The following TDRP variants were observed in gnomAD, a reference collection of about 807,000 sequenced individuals.
The protein encoded by TDRP is testis development-related protein.
A neutral mutation model predicts 10.5 loss-of-function variants in TDRP; 12 were observed. The ratio of observed to expected loss-of-function variants is 1.15; its 90% confidence interval spans 0.73 to 1.86. The LOEUF (loss-of-function observed/expected upper bound fraction) is 1.86, where lower values mean the gene tolerates loss of function less well. Among genes scored for constraint, TDRP ranks in the 40% most tolerant of loss-of-function variants. The pLI is 0.00. For missense variants in TDRP, 353 were observed against 229.2 expected (o/e 1.54, Z -3.49); for synonymous variants, 139 against 95.4 (o/e 1.46, Z -2.67).
At chr8:531,496 G>A (rs1003740312) in intron 1 of TDRP, among the ~76,000 whole-genome samples, 5 of 152,162 alleles carry the variant, frequency 3.3e-5, no homozygotes, top group African/African-American at 1.2e-4. Context: ...ATGTCAGAAG[G>A]AAACTGAATT....
intron 1 of TDRP, among the ~76,000 whole-genome samples, chr8:534,352 G>A (rs1802289523): frequency 1.3e-5 from 2 of 152,206 alleles, no homozygotes; most frequent in African/African-American, 4.8e-5. Flanking sequence ...GTTCCCGCGA[G>A]CCTCTGAATA....
chr8:507,105 G>A (rs1047926530), intron 1 of TDRP, among the ~76,000 whole-genome samples: 5 of 152,140 alleles, frequency 3.3e-5, no homozygotes, highest in African/African-American at 9.7e-5. Context: ...GCAGCAGGAG[G>A]GAGTATGAGC....
At position 494,532 on chromosome 8, in the gene TDRP, C is replaced by G; in HGVS notation, c.174G>C (p.Gln58His). 6.2e-7 allele frequency: 1 copy of G among 1,613,890 alleles called. No individual in the cohort carries two copies. Among genetic ancestry groups the G allele is most frequent in the Non-Finnish European group, 8.5e-7 (1 of 1,179,848 alleles). Residue 58 changes from glutamine to histidine, a missense_variant, in exon 2 of 3, where the codon CAG becomes CAC. Coordinates refer to ENST00000324079, the MANE Select transcript of TDRP (RefSeq NM_001384899.1). ...GAGATTTACATCTTTCCAGGAGATG[C>G]TGCTCATCATCTTTGTTAAACAGTG... ...VTSLFNKDDEQHLLERCKSPK... is the reference protein window; with the variant it reads ...VTSLFNKDDEHHLLERCKSPK...
intron 1 of TDRP, among the ~76,000 whole-genome samples, chr8:526,290 G>A (rs1183144461): frequency 1.3e-5 from 2 of 152,138 alleles, no homozygotes; most frequent in Admixed American, 6.5e-5. Flanking sequence ...GAGCCACCAT[G>A]CCCAGACTCT....
At chr8:513,928 T>C (rs1801684615) in intron 1 of TDRP, among the ~76,000 whole-genome samples, 3 of 152,208 alleles carry the variant, frequency 2.0e-5, no homozygotes, top group Admixed American at 1.3e-4. Context: ...TACTTAGGAA[T>C]ATGCTTAAAA....
In TDRP at chr8:514,723, C is replaced by T. The variant is rs7016493; in HGVS notation, c.109-20126G>A. On this transcript the variant is annotated intron_variant, in intron 1 of 2. Coordinates refer to ENST00000324079, the MANE Select transcript of TDRP (RefSeq NM_001384899.1). ...GTGGGGATGCAGCCTTTCCCTGGGA[C>T]ACTGGGAAATGTCTATTTTTGCATT... 3.3e-5 allele frequency among the ~76,000 whole-genome samples: 5 copies of T among 151,976 alleles called. 1 individual carries two copies. The highest frequency in any genetic ancestry group is 5.9e-5 in the Non-Finnish European group (4 of 68,022).
intron 1 of TDRP, among the ~76,000 whole-genome samples, chr8:513,402 T>G (rs925394142): frequency 6.6e-6 from 1 of 152,088 alleles, no homozygotes; most frequent in African/African-American, 2.4e-5. Context: ...ATAAAAAAAA[T>G]TATATAAGCA....
chr8:524,617 A>G (rs1801988886), intron 1 of TDRP, among the ~76,000 whole-genome samples: 2 of 152,220 alleles, frequency 1.3e-5, no homozygotes, highest in South Asian at 4.1e-4. Context: ...AGCTTTTAAA[A>G]CATCAAGCAG....
chr8:513,246 C>CA (rs1468133826), intron 1 of TDRP, among the ~76,000 whole-genome samples: 2 of 151,410 alleles, frequency 1.3e-5, no homozygotes, highest in African/African-American at 4.9e-5. Context: ...GAATATGGAC[C>CA]AAAAAAACTT....
Position 491,458 on chromosome 8 carries a change from G to A in TDRP, c.*941C>T, listed in dbSNP as rs79607057. 32 of 657,046 alleles carry A rather than the reference G, an allele frequency of 4.9e-5. No homozygotes were observed. The highest frequency in any genetic ancestry group is 5.2e-4 in the Middle Eastern group (2 of 3,856). 40.7% of individuals were successfully genotyped at this position (657,046 alleles called of 1,614,324 possible). ...AGAACGCGAGAGATGCTCTCAAACC[G>A]GTCGTCGATTATTCTTGTGGAAAAA... On this transcript the variant is annotated 3_prime_UTR_variant, in exon 3 of 3. Transcript: ENST00000324079.
intron 1 of TDRP, among the ~76,000 whole-genome samples, chr8:512,652 A>C (rs572448410): frequency 5.5e-4 from 84 of 152,244 alleles, no homozygotes; most frequent in African/African-American, 1.9e-3. Context: ...CTGACTCAAG[A>C]AGAAACACAA....
In TDRP at chr8:492,367, C is replaced by G. The variant is rs541415725; in HGVS notation, c.*32G>C. On this transcript the variant is annotated 3_prime_UTR_variant, in exon 3 of 3. Transcript: ENST00000324079. Reference sequence around the variant, plus strand: ...ACATGGTATACTCATAAAAGGCCACCATGTCGGGGCACACTTGCCACGCAG... The same window carrying G: ...ACATGGTATACTCATAAAAGGCCACGATGTCGGGGCACACTTGCCACGCAG... 4 of 1,463,846 alleles carry G rather than the reference C, an allele frequency of 2.7e-6. No homozygotes were observed. The African/African-American group carries it at 4.3e-5, about 16-fold the overall frequency. 90.7% of individuals were successfully genotyped at this position (1,463,846 alleles called of 1,614,324 possible).
chr8:496,139 T>C (rs368383473), intron 1 of TDRP, among the ~76,000 whole-genome samples: 4 of 152,150 alleles, frequency 2.6e-5, no homozygotes, highest in African/African-American at 9.6e-5. Context: ...AAAGAAACCA[T>C]CACAGCAAAA....
In TDRP at chr8:544,668, G is replaced by T; in HGVS notation, c.90C>A (p.Ala30=). Residue 30 remains alanine, a synonymous_variant, in exon 1 of 3, where the codon GCC becomes GCA. Coordinates refer to ENST00000324079, the MANE Select transcript of TDRP (RefSeq NM_001384899.1). ...GLRGGPPPAA[A]AAAQAQVQGA... is the part of the protein sequence containing the mutation. ...CCCTCACCTGCGCCTGGGCGGCGGCGGCGGCGGCCGGTGGCGGCCCCCCAC... is the reference window on the plus strand; with the variant it reads ...CCCTCACCTGCGCCTGGGCGGCGGCTGCGGCGGCCGGTGGCGGCCCCCCAC... 8.0e-7 allele frequency: 1 copy of T among 1,244,192 alleles called. No individual in the cohort carries two copies. The highest frequency in any genetic ancestry group is 1.0e-6 in the Non-Finnish European group (1 of 995,240). The allele number at this position is 1,244,192 out of a possible 1,614,324, so 77.1% of individuals were successfully genotyped here.
chr8:505,405 T>C (rs758199197), intron 1 of TDRP, among the ~76,000 whole-genome samples: 25 of 152,218 alleles, frequency 1.6e-4, no homozygotes, highest in Non-Finnish European at 2.4e-4. Flanking sequence ...TTCCATAATA[T>C]TGAAGATGTG....
At chr8:525,741 G>A (rs538113580) in intron 1 of TDRP, among the ~76,000 whole-genome samples, 4 of 152,042 alleles carry the variant, frequency 2.6e-5, no homozygotes, top group Admixed American at 6.5e-5. Context: ...GAAAATCACC[G>A]ACGGGAAGGA....
intron 1 of TDRP, among the ~76,000 whole-genome samples, chr8:505,350 G>A (rs1329140046): frequency 6.6e-5 from 10 of 152,206 alleles, no homozygotes; most frequent in African/African-American, 1.9e-4. Flanking sequence ...TATGAGTCTT[G>A]TGAAACAGGG....
intron 1 of TDRP, among the ~76,000 whole-genome samples, chr8:535,297 G>C (rs1424586690): frequency 6.6e-6 from 1 of 152,032 alleles, no homozygotes; most frequent in African/African-American, 2.4e-5. Context: ...ACCATTTCTA[G>C]ACAAAGCCAA....
At chr8:518,954 A>G (rs1470897455) in intron 1 of TDRP, among the ~76,000 whole-genome samples, 1 of 152,146 alleles carries the variant, frequency 6.6e-6, no homozygotes, top group African/African-American at 2.4e-5. Flanking sequence ...CACTAATGAG[A>G]TGACTGACAG....
Sources: allele counts gnomAD v4.1 joint callset (sites outside exome capture counted in the v4.1 genomes callset), GRCh38; gene constraint gnomAD v4.1.1; transcripts MANE v1.5; gene names NCBI Gene and HGNC (gene_info 2026-07-23, HGNC 2026-07-21).